PCDHGB6: variants seen among roughly 807,000 people sequenced by gnomAD.
PCDHGB6 encodes protocadherin gamma-B6.
Under a neutral mutation model 59.1 loss-of-function variants are expected in PCDHGB6, and 51 were observed. That is an observed-to-expected ratio of 0.86 (90% CI 0.69 to 1.09). The LOEUF is 1.09. Ranked by LOEUF, PCDHGB6 falls within the 50% of genes least tolerant of loss-of-function variation. The pLI, the probability that PCDHGB6 is intolerant of heterozygous loss-of-function variation, is 0.00. For missense variants in PCDHGB6, 1,148 were observed against 1,205.1 expected (o/e 0.95, Z 0.70); for synonymous variants, 466 against 495.1 (o/e 0.94, Z 0.78).
At position 141,476,151 on chromosome 5, in the gene PCDHGB6, G is replaced by A; in HGVS notation, c.2419-18656G>A. Reference sequence around the variant, plus strand: ...GAGGCCTGGAGGAGCGGACTGGTAAGCACCGGGAGGGTAGTGGGAGTTTTG... The same window carrying A: ...GAGGCCTGGAGGAGCGGACTGGTAAACACCGGGAGGGTAGTGGGAGTTTTG... On this transcript the variant is annotated intron_variant, in intron 1 of 3. Transcript: ENST00000520790. This position sits in a 1 kb window ranked among gnomAD's most constrained non-coding sequence, Gnocchi z 7.6. 1 of 1,612,022 alleles carries A rather than the reference G, an allele frequency of 6.2e-7. No individual in the cohort carries two copies. Among genetic ancestry groups the A allele is most frequent in the Admixed American group, 1.7e-5 (1 of 60,014 alleles).
chr5:141,505,338 G>T, intron 2 of PCDHGB6, 55 bp from the exon 3 acceptor site: 1 of 1,612,254 alleles, frequency 6.2e-7, no homozygotes, highest in South Asian at 1.1e-5. Flanking sequence ...GGACAGGAGG[G>T]GCATGAGCTG....
chr5:141,481,200 T>A (rs977235584), intron 1 of PCDHGB6, among the ~76,000 whole-genome samples: 2 of 152,178 alleles, frequency 1.3e-5, no homozygotes, highest in Non-Finnish European at 2.9e-5. Flanking sequence ...CCAATTTTTT[T>A]AAAAAACATG....
chr5:141,445,129 A>G (rs1405841381), intron 1 of PCDHGB6, among the ~76,000 whole-genome samples: 3 of 152,226 alleles, frequency 2.0e-5, no homozygotes, highest in Non-Finnish European at 4.4e-5. Context: ...TATTTTTAAA[A>G]TTGTATCTTC....
At chr5:141,497,904 A>G (rs939422338) in intron 2 of PCDHGB6, among the ~76,000 whole-genome samples, 2 of 152,136 alleles carry the variant, frequency 1.3e-5, no homozygotes, top group African/African-American at 2.4e-5. Context: ...AGTAACTTCA[A>G]CTTCTCTCCT....
Position 141,431,154 on chromosome 5 carries a change from A to G in PCDHGB6, c.2418+20534A>G, listed in dbSNP as rs754200786. ...AGGGACATTAACGACAATGCGCCTT[A>G]CTTTCGTGAAAGTGAATTAGAAATA... On this transcript the variant is annotated intron_variant, in intron 1 of 3. Coordinates refer to ENST00000520790, the MANE Select transcript of PCDHGB6 (RefSeq NM_018926.3). The surrounding 1 kb of genome is among the most constrained non-coding windows in gnomAD (Gnocchi z 4.8). 1.1e-5 allele frequency: 18 copies of G among 1,614,136 alleles called. No homozygotes were observed. In the East Asian group the frequency reaches 4.0e-4, roughly 36 times the overall value.
Position 141,512,554 on chromosome 5 carries a change from T to TAG in PCDHGB6, c.*1383_*1384dup, listed in dbSNP as rs2099884300. ...AAGTTCCCCAGTGCCTCCTTGTGCA[T>TAG]AGACCTTCTTCTCCCACCCCCTTCT... is the stretch of plus-strand genomic sequence containing the variant. On this transcript the variant is annotated 3_prime_UTR_variant, in exon 4 of 4. Coordinates refer to ENST00000520790, the MANE Select transcript of PCDHGB6 (RefSeq NM_018926.3). 6.5e-6 allele frequency: 1 copy of TAG among 153,012 alleles called. No homozygotes were observed. Among genetic ancestry groups the TAG allele is most frequent in the Non-Finnish European group, 1.5e-5 (1 of 68,482 alleles). 9.5% of individuals were successfully genotyped at this position (153,012 alleles called of 1,614,324 possible).
intron 1 of PCDHGB6, chr5:141,415,006 C>T (rs1353721901): frequency 1.2e-6 from 2 of 1,613,652 alleles, no homozygotes; most frequent in Non-Finnish European, 8.5e-7. Flanking sequence ...GCTGTCCTAC[C>T]GTCTGCTCAA....
In PCDHGB6 at chr5:141,512,394, C is replaced by A. The variant is rs750967336; in HGVS notation, c.*1221C>A. 1 of 152,706 alleles carries A rather than the reference C, an allele frequency of 6.5e-6. No homozygotes were observed. The highest frequency in any genetic ancestry group is 1.5e-5 in the Non-Finnish European group (1 of 68,084). The allele number at this position is 152,706 out of a possible 1,614,324, so 9.5% of individuals were successfully genotyped here. ...GACCAAATGAACAGAAAGTCTCAGC[C>A]CAGGATGGGGCTTCTTCAACAGGGC... is the stretch of plus-strand genomic sequence containing the variant. On this transcript the variant is annotated 3_prime_UTR_variant, in exon 4 of 4. Transcript: ENST00000520790.
chr5:141,416,109 A>C (rs1365438751), intron 1 of PCDHGB6: 5 of 157,286 alleles, frequency 3.2e-5, no homozygotes, highest in African/African-American at 1.2e-4. Context: ...GCCTTTTTCA[A>C]ACTACATTTT....
rs58019021 is a variant in PCDHGB6, at chr5:141,500,184, T to TTTTATTTATTTA, written c.2478-5178_2478-5167dup. Among the ~76,000 whole-genome samples, 232 of 135,962 alleles carry TTTTATTTATTTA rather than the reference T, an allele frequency of 1.7e-3. 1 individual carries two copies. The highest frequency in any genetic ancestry group is 6.4e-3 in the South Asian group (27 of 4,202). The allele number at this position is 135,962 out of a possible 152,430, so 89.2% of individuals were successfully genotyped here. A position where few individuals can be genotyped will look rare whatever the true frequency, so the allele number is the denominator to read the frequency against. The stretch of plus-strand genomic sequence containing the variant: ...GAACATGCATGAGCTTCATTTTTAT[T>TTTTATTTATTTA]TTTATTTATTTATTTATTTATTTAT... On this transcript the variant is annotated intron_variant, in intron 2 of 3. Transcript: ENST00000520790.
In PCDHGB6 at chr5:141,431,964, A is replaced by G; in HGVS notation, c.2418+21344A>G. On this transcript the variant is annotated intron_variant, in intron 1 of 3. Coordinates refer to ENST00000520790, the MANE Select transcript of PCDHGB6 (RefSeq NM_018926.3). The surrounding 1 kb of genome is among the most constrained non-coding windows in gnomAD (Gnocchi z 4.8). Reference sequence around the variant, plus strand: ...TTAGAAAAATCTTACGGAAATTACTATAGTTTAGTCACAGACATAGTCTTG... The same window carrying G: ...TTAGAAAAATCTTACGGAAATTACTGTAGTTTAGTCACAGACATAGTCTTG... 2.5e-6 allele frequency: 4 copies of G among 1,614,218 alleles called. No individual in the cohort carries two copies. The highest frequency in any genetic ancestry group is 2.5e-6 in the Non-Finnish European group (3 of 1,180,028).
rs756094875 is a variant in PCDHGB6 at position 141,419,594 on chromosome 5, C to T, written c.2418+8974C>T. 2.6e-5 allele frequency: 42 copies of T among 1,611,572 alleles called. No homozygotes were observed. Among genetic ancestry groups the T allele is most frequent in the Admixed American group, 3.3e-5 (2 of 59,964 alleles). ...CGGCTCCGCGCTCTTCGACACAGTG[C>T]CGCGGGCCGCGCAGCCAGGCTACCT... On this transcript the variant is annotated intron_variant, in intron 1 of 3. Transcript: ENST00000520790.
In PCDHGB6 at chr5:141,409,552, A is replaced by C. The variant is rs777125488; in HGVS notation, c.1350A>C (p.Pro450=). Residue 450 remains proline, a synonymous_variant, in exon 1 of 4, where the codon CCA becomes CCC. Transcript: ENST00000520790. ...TCGCTGACATCAACGACAACGCCCC[A>C]GTTTTCGACCAGACGTCCTACGTGG... ...LYVADINDNA[P]VFDQTSYVVH... is the part of the protein sequence containing the mutation. 9 of 1,613,844 alleles carry C rather than the reference A, an allele frequency of 5.6e-6. No homozygotes were observed. The East Asian group carries it at 1.1e-4, about 20-fold the overall frequency.
In PCDHGB6 at chr5:141,503,993, C is replaced by T. The variant is rs376134059; in HGVS notation, c.2478-1400C>T. Reference sequence around the variant, plus strand: ...GTGCCAAACCCTTCTTCTTACCTTACAGTCACTTAACTGTCTCTGCTGGTC... The same window carrying T: ...GTGCCAAACCCTTCTTCTTACCTTATAGTCACTTAACTGTCTCTGCTGGTC... On this transcript the variant is annotated intron_variant, in intron 2 of 3. Transcript: ENST00000520790. Among the ~76,000 whole-genome samples, 13 of 152,312 alleles carry T rather than the reference C, an allele frequency of 8.5e-5. 1 individual carries two copies. In the East Asian group the frequency reaches 1.7e-3, roughly 20 times the overall value.
chr5:141,439,364 G>A (rs1561894836), intron 1 of PCDHGB6, among the ~76,000 whole-genome samples: 2 of 152,142 alleles, frequency 1.3e-5, no homozygotes, highest in Admixed American at 1.3e-4. Context: ...CAAACATCAA[G>A]AAGAAATAAA....
chr5:141,437,037 A>G (rs1410732155), intron 1 of PCDHGB6, among the ~76,000 whole-genome samples: 2 of 152,264 alleles, frequency 1.3e-5, no homozygotes, highest in Admixed American at 1.3e-4. Flanking sequence ...TGGATCACCG[A>G]AACCAGAAGG....
In PCDHGB6 at chr5:141,415,732, T is replaced by C. The variant is rs1159160519; in HGVS notation, c.2418+5112T>C. 4 of 1,411,138 alleles carry C rather than the reference T, an allele frequency of 2.8e-6. No individual in the cohort carries two copies. In the South Asian group the frequency reaches 5.0e-5, roughly 18 times the overall value. The allele number at this position is 1,411,138 out of a possible 1,614,324, so 87.4% of individuals were successfully genotyped here. ...AACACTGATGAGTAGAATTTGATGT[T>C]TATTAAGGTTTTTTTTTTTTTTTTT... On this transcript the variant is annotated intron_variant, in intron 1 of 3. Coordinates refer to ENST00000520790, the MANE Select transcript of PCDHGB6 (RefSeq NM_018926.3).
intron 1 of PCDHGB6, chr5:141,468,586 G>C (rs1232477889): frequency 1.3e-5 from 2 of 152,176 alleles, no homozygotes; most frequent in East Asian, 1.9e-4. Context: ...GGTACTAAAG[G>C]CTGGGCGCGG....
chr5:141,493,250 C>T lies in PCDHGB6; in HGVS notation c.2419-1557C>T, dbSNP rs1330348553. On this transcript the variant is annotated intron_variant, in intron 1 of 3. Coordinates refer to ENST00000520790, the MANE Select transcript of PCDHGB6 (RefSeq NM_018926.3). The surrounding 1 kb of genome is among the most constrained non-coding windows in gnomAD (Gnocchi z 4.3). ...TGCTGTTGGCTAGGTACTAACATGC[C>T]TCTCTTATAACAGCTTCACAGAGGT... Among the ~76,000 whole-genome samples the T allele has an allele frequency of 1.3e-5, 2 of 152,154 alleles. No homozygotes were observed. Among genetic ancestry groups the T allele is most frequent in the Non-Finnish European group, 2.9e-5 (2 of 68,024 alleles).
Sources: gnomAD v4.1 joint callset for allele counts (sites outside exome capture counted in the v4.1 genomes callset) on GRCh38, gnomAD v4.1.1 for gene constraint, Gnocchi (gnomAD v3.1) non-coding constraint, MANE v1.5 for transcripts, NCBI Gene and HGNC (gene_info 2026-07-23, HGNC 2026-07-21) for gene names.